The following MAN1A1 variants were observed in gnomAD, a reference collection of about 807,000 sequenced individuals.
MAN1A1 encodes mannosyl-oligosaccharide 1,2-alpha-mannosidase IA.
Under a neutral mutation model 70.8 loss-of-function variants are expected in MAN1A1, and 29 were observed. The ratio of observed to expected loss-of-function variants is 0.41; its 90% confidence interval spans 0.31 to 0.56. The LOEUF is 0.56. Among genes scored for constraint, MAN1A1 ranks in the 20% least tolerant of loss-of-function variants. The probability of loss-of-function intolerance (pLI) is 0.29; values close to 1 mark genes in which losing one functional copy is unlikely to be tolerated. For missense variants in MAN1A1, 747 were observed against 841.3 expected (o/e 0.89, Z 1.39); for synonymous variants, 349 against 330.1 (o/e 1.06, Z -0.62).
chr6:119,179,969 TG>T, intron 12 of MAN1A1, 24 bp from the exon 13 acceptor site: 1 of 1,612,040 alleles, frequency 6.2e-7, no homozygotes, highest in Non-Finnish European at 8.5e-7. Context: ...CATAAGTATA[TG>T]AGGCCCAAGA....
intron 6 of MAN1A1, among the ~76,000 whole-genome samples, chr6:119,230,814 A>G (rs1159973664): frequency 1.3e-5 from 2 of 152,154 alleles, no homozygotes; most frequent in African/African-American, 4.8e-5. Context: ...TTCTCCCAAG[A>G]GCTTTCATTT....
At chr6:119,230,103 A>G (rs575289795) in intron 6 of MAN1A1, among the ~76,000 whole-genome samples, 2 of 152,324 alleles carry the variant, frequency 1.3e-5, no homozygotes, top group South Asian at 4.2e-4. Flanking sequence ...GAGACCAACC[A>G]GAGTTTAATA....
intron 6 of MAN1A1, among the ~76,000 whole-genome samples, chr6:119,246,831 C>T (rs925218259): frequency 3.6e-4 from 55 of 152,240 alleles, no homozygotes; most frequent in African/African-American, 1.3e-3. Flanking sequence ...AGAGCCACCC[C>T]TGCATTAAGG....
chr6:119,334,261 A>T (rs1304441290), intron 2 of MAN1A1, among the ~76,000 whole-genome samples: 1 of 152,214 alleles, frequency 6.6e-6, no homozygotes, highest in Non-Finnish European at 1.5e-5. Flanking sequence ...GGGGGATTTT[A>T]AAAAGCTTGG....
At chr6:119,268,090 C>A (rs954756010) in intron 5 of MAN1A1, among the ~76,000 whole-genome samples, 1 of 152,144 alleles carries the variant, frequency 6.6e-6, no homozygotes, top group Non-Finnish European at 1.5e-5. Flanking sequence ...CTGTTGGTGA[C>A]CATGGTCCAG....
chr6:119,182,706 C>T (rs530984150), intron 11 of MAN1A1, among the ~76,000 whole-genome samples: 1 of 152,178 alleles, frequency 6.6e-6, no homozygotes, highest in Non-Finnish European at 1.5e-5. Flanking sequence ...CATTTATTGA[C>T]TGTAGACAAA....
intron 6 of MAN1A1, among the ~76,000 whole-genome samples, chr6:119,213,484 G>C (rs940698365): frequency 8.5e-5 from 13 of 152,172 alleles, no homozygotes; most frequent in South Asian, 2.1e-4. Context: ...AATAAAGATA[G>C]ATAATCTTTT....
At chr6:119,224,414 C>G (rs115260539) in intron 6 of MAN1A1, among the ~76,000 whole-genome samples, 8 of 152,028 alleles carry the variant, frequency 5.3e-5, no homozygotes, top group African/African-American at 7.3e-5. Flanking sequence ...TGCACAGGTA[C>G]GGAGAAGATC....
intron 6 of MAN1A1, among the ~76,000 whole-genome samples, chr6:119,232,679 A>G (rs77076491): frequency 1.6e-4 from 23 of 143,508 alleles, no homozygotes; most frequent in East Asian, 6.9e-4. Flanking sequence ...ACACATATAT[A>G]TGTGTGTGTG....
chr6:119,330,544 A>G (rs1053832291), intron 2 of MAN1A1, among the ~76,000 whole-genome samples: 1 of 152,050 alleles, frequency 6.6e-6, no homozygotes, highest in Admixed American at 6.6e-5. Flanking sequence ...CTTCTAACAC[A>G]TGTCCTGGAC....
chr6:119,234,135 C>T (rs1774771539), intron 6 of MAN1A1, among the ~76,000 whole-genome samples: 1 of 152,144 alleles, frequency 6.6e-6, no homozygotes, highest in African/African-American at 2.4e-5. Flanking sequence ...CACTTGATCT[C>T]CCACTTCAAG....
Position 119,248,365 on chromosome 6 carries a change from A to C in MAN1A1, c.898-11T>G. On this transcript the variant is annotated splice_polypyrimidine_tract_variant and intron_variant, in intron 5 of 12. Transcript: ENST00000368468. Reference sequence around the variant, plus strand: ...TTTCTTTCGAAAAATCTGAAAAGTCAAACAGTTAACTGTAAGCTACTGTTG... The same window carrying C: ...TTTCTTTCGAAAAATCTGAAAAGTCCAACAGTTAACTGTAAGCTACTGTTG... 1 of 1,524,580 alleles carries C rather than the reference A, an allele frequency of 6.6e-7. No individual in the cohort carries two copies. Among genetic ancestry groups the C allele is most frequent in the Non-Finnish European group, 9.1e-7 (1 of 1,098,448 alleles). The allele number at this position is 1,524,580 out of a possible 1,614,324, so 94.4% of individuals were successfully genotyped here. A position where few individuals can be genotyped will look rare whatever the true frequency, so the allele number is the denominator to read the frequency against.
At chr6:119,202,148 T>C (rs1313123444) in intron 7 of MAN1A1, among the ~76,000 whole-genome samples, 4 of 152,214 alleles carry the variant, frequency 2.6e-5, no homozygotes, top group Non-Finnish European at 5.9e-5. Context: ...ATTTTGACTC[T>C]TTTGTAATAA....
At chr6:119,328,746 T>C (rs951750645) in intron 2 of MAN1A1, among the ~76,000 whole-genome samples, 1 of 152,174 alleles carries the variant, frequency 6.6e-6, no homozygotes, top group African/African-American at 2.4e-5. Flanking sequence ...GTGTTTAGAC[T>C]TCATCACATA....
In MAN1A1 at chr6:119,287,230, T is replaced by G. The variant is rs1353028206; in HGVS notation, c.897+3453A>C. On this transcript the variant is annotated intron_variant, in intron 5 of 12. Coordinates refer to ENST00000368468, the MANE Select transcript of MAN1A1 (RefSeq NM_005907.4). ...CAAGGTGATAGTACAGCTATAGAGA[T>G]CCCCTATGCCAACTTGACACTTTTT... Among the ~76,000 whole-genome samples, 4 of 152,192 alleles carry G rather than the reference T, an allele frequency of 2.6e-5. No individual in the cohort carries two copies. The East Asian group carries it at 7.7e-4, about 29-fold the overall frequency.
In MAN1A1 at chr6:119,189,734, G is replaced by A. The variant is rs1773388530; in HGVS notation, c.1476C>T (p.Gly492=). ...CGAGTTCAAGGTAGTGTTGGGCCAT[G>A]CCTTCGGGAGCTGCATCAGCCCCGA... The part of the protein sequence containing the change: ...FALGADAAPE[G]MAQHYLELGA... The change falls in exon 10 of 13, where the codon GGC becomes GGT. Residue 492 remains glycine (G), a synonymous_variant. Transcript: ENST00000368468. The A allele has an allele frequency of 1.2e-6, 2 of 1,614,094 alleles. No individual in the cohort carries two copies. Among genetic ancestry groups the A allele is most frequent in the Non-Finnish European group, 1.7e-6 (2 of 1,180,018 alleles).
chr6:119,252,059 ATTATT>A (rs1363658938), intron 5 of MAN1A1, among the ~76,000 whole-genome samples: 1 of 152,210 alleles, frequency 6.6e-6, no homozygotes, highest in African/African-American at 2.4e-5. Context: ...TCATGTCTTA[ATTATT>A]TTATTTGCTT....
intron 2 of MAN1A1, among the ~76,000 whole-genome samples, chr6:119,334,238 A>C (rs1355317375): frequency 6.6e-6 from 1 of 152,216 alleles, no homozygotes; most frequent in East Asian, 1.9e-4. Flanking sequence ...TAAGATTGAA[A>C]AATATAGACC....
chr6:119,308,890 G>A (rs1772605035), intron 2 of MAN1A1, among the ~76,000 whole-genome samples: 1 of 152,114 alleles, frequency 6.6e-6, no homozygotes, highest in African/African-American at 2.4e-5. Context: ...TTTCAGCTTT[G>A]TCAAAAATGA....
Sources: allele counts gnomAD v4.1 joint callset (sites outside exome capture counted in the v4.1 genomes callset), GRCh38; gene constraint gnomAD v4.1.1; transcripts MANE v1.5; gene names NCBI Gene and HGNC (gene_info 2026-07-23, HGNC 2026-07-21).